GNB4: variants seen among roughly 807,000 people sequenced by gnomAD.
The protein encoded by GNB4 is G protein subunit beta 4.
A neutral mutation model predicts 45.2 loss-of-function variants in GNB4; 28 were observed. That is an observed-to-expected ratio of 0.62 (90% confidence interval 0.46 to 0.85). The LOEUF (loss-of-function observed/expected upper bound fraction) is 0.85. GNB4 is among the 40% of genes least tolerant of loss of function. The pLI is 0.00. For synonymous variants in GNB4, 132 were observed against 143.7 expected (o/e 0.92, Z 0.58); for missense variants, 321 against 425.4 (o/e 0.75, Z 2.16).
the GNB4 span, among the ~76,000 whole-genome samples, chr3:179,459,255 A>G: frequency 6.6e-6 from 1 of 151,816 alleles, no homozygotes; most frequent in Non-Finnish European, 1.5e-5. Flanking sequence ...ATGAAACTCC[A>G]GAAGCTTCAG....
At chr3:179,498,468 G>A in the GNB4 span, among the ~76,000 whole-genome samples, 1 of 152,220 alleles carries the variant, frequency 6.6e-6, no homozygotes, top group South Asian at 2.1e-4. Flanking sequence ...ACAGAGTCTT[G>A]CTTTGTTGCC....
At chr3:179,462,174 A>ATGTG in the GNB4 span, among the ~76,000 whole-genome samples, 16,853 of 150,416 alleles carry the variant, frequency 0.11, 994 homozygotes, top group Middle Eastern at 0.14. Flanking sequence ...GTGTGTGCAC[A>ATGTG]TGTGTGTGTG....
chr3:179,520,759 A>T, the GNB4 span, among the ~76,000 whole-genome samples: 1 of 151,846 alleles, frequency 6.6e-6, no homozygotes, highest in Non-Finnish European at 1.5e-5. Context: ...CCATGATTGT[A>T]CCTCTCTGAT....
At chr3:179,412,851 G>GAA (rs909414337) in intron 8 of GNB4, among the ~76,000 whole-genome samples, 5 of 125,344 alleles carry the variant, frequency 4.0e-5, no homozygotes, top group Non-Finnish European at 3.4e-5. Context: ...CTCCACTTTG[G>GAA]AAAAAAAAAA....
Position 179,425,829 on chromosome 3 carries a change from T to C in GNB4, c.57+315A>G, listed in dbSNP as rs963860544. On this transcript the variant is annotated intron_variant, in intron 2 of 9. Transcript: ENST00000232564. ...TTAATATTTCCCTAGTGTGACATTA[T>C]ATTGTGACACTATCTACATTATGGT... Among the ~76,000 whole-genome samples the C allele has an allele frequency of 8.5e-5, 13 of 152,230 alleles. 1 individual carries two copies. The highest frequency in any genetic ancestry group is 3.1e-4 in the African/African-American group (13 of 41,466).
At chr3:179,459,284 G>A in the GNB4 span, among the ~76,000 whole-genome samples, 1 of 152,106 alleles carries the variant, frequency 6.6e-6, no homozygotes, top group Non-Finnish European at 1.5e-5. Flanking sequence ...CAGCCCCTGC[G>A]ACTCTCCTAT....
At chr3:179,489,461 A>T in the GNB4 span, among the ~76,000 whole-genome samples, 1 of 151,936 alleles carries the variant, frequency 6.6e-6, no homozygotes, top group Admixed American at 6.6e-5. Flanking sequence ...ACAAAGCAAG[A>T]CCCCGTCTCT....
At chr3:179,514,937 A>G in the GNB4 span, among the ~76,000 whole-genome samples, 1 of 152,242 alleles carries the variant, frequency 6.6e-6, no homozygotes, top group Admixed American at 6.5e-5. Context: ...TAGAATGGCC[A>G]CATCTTAAAA....
the GNB4 span, among the ~76,000 whole-genome samples, chr3:179,460,674 T>TA: frequency 5.9e-5 from 9 of 151,902 alleles, no homozygotes; most frequent in South Asian, 2.1e-4. Flanking sequence ...ACCTTTTTTT[T>TA]AATTTTATTT....
intron 1 of GNB4, chr3:179,437,945 G>C (rs1715501702): frequency 6.6e-6 from 1 of 152,100 alleles, no homozygotes; most frequent in Non-Finnish European, 1.5e-5. Context: ...GGTGGCATTT[G>C]CCTGCAATCC....
intron 1 of GNB4, among the ~76,000 whole-genome samples, chr3:179,445,347 T>C (rs993367491): frequency 2.0e-5 from 3 of 152,152 alleles, no homozygotes; most frequent in African/African-American, 7.2e-5. Flanking sequence ...TGCAGTGGCA[T>C]GATCATAGTT....
chr3:179,477,335 C>T, the GNB4 span, among the ~76,000 whole-genome samples: 10 of 152,276 alleles, frequency 6.6e-5, no homozygotes, highest in African/African-American at 2.4e-4. Flanking sequence ...TTAAGGGTAG[C>T]CACACAGCTC....
upstream of GNB4, among the ~76,000 whole-genome samples, chr3:179,452,641 A>G (rs956599356): frequency 2.0e-5 from 3 of 152,090 alleles, no homozygotes; most frequent in Non-Finnish European, 2.9e-5. Flanking sequence ...GGAAAATGTG[A>G]CCGTTTTGTA....
At chr3:179,505,553 A>C in the GNB4 span, among the ~76,000 whole-genome samples, 2 of 152,226 alleles carry the variant, frequency 1.3e-5, no homozygotes, top group African/African-American at 4.8e-5. Flanking sequence ...AGCATACAAA[A>C]TATACATATC....
chr3:179,494,737 G>A, the GNB4 span, among the ~76,000 whole-genome samples: 13 of 151,596 alleles, frequency 8.6e-5, no homozygotes, highest in South Asian at 2.1e-4. Context: ...GTGAAACCCC[G>A]TCTCTACTAA....
Position 179,426,156 on chromosome 3 carries a change from C to G in GNB4, c.45G>C (p.Arg15=), listed in dbSNP as rs1038277192. 5.0e-6 allele frequency: 8 copies of G among 1,603,762 alleles called. No homozygotes were observed. The South Asian group carries it at 7.9e-5, about 16-fold the overall frequency. ...EQLRQEAEQL[R]NQIQDARKAC... ...GAAAAGGTTTTACCTGAATCTGATT[C>G]CGCAGTTGTTCTGCTTCTTGCCTCA... is the stretch of plus-strand genomic sequence containing the variant. Residue 15 remains arginine (R), a synonymous_variant, in exon 2 of 10, where the codon CGG becomes CGC. Transcript: ENST00000232564.
intron 2 of GNB4, among the ~76,000 whole-genome samples, chr3:179,422,486 C>CA (rs11400633): frequency 0.27 from 39,712 of 148,320 alleles, 5,503 homozygotes; most frequent in African/African-American, 0.33. Context: ...CAAAACAAAA[C>CA]AAAAAAAAGA....
chr3:179,527,786 A>ATGTGTGTGTGTGTGTGTG, the GNB4 span, among the ~76,000 whole-genome samples: 4 of 124,936 alleles, frequency 3.2e-5, no homozygotes, highest in South Asian at 3.2e-4. Flanking sequence ...GCGTGTGTGT[A>ATGTGTGTGTGTGTGTGTG]TGTATGTGTG....
At chr3:179,442,360 A>C (rs1270738705) in intron 1 of GNB4, among the ~76,000 whole-genome samples, 1 of 152,184 alleles carries the variant, frequency 6.6e-6, no homozygotes, top group Non-Finnish European at 1.5e-5. Flanking sequence ...AAGTTCTGTC[A>C]ATTTACGTCA....
Sources: gnomAD v4.1 joint callset for allele counts (sites outside exome capture counted in the v4.1 genomes callset) on GRCh38, gnomAD v4.1.1 for gene constraint, MANE v1.5 for transcripts, NCBI Gene and HGNC (gene_info 2026-07-23, HGNC 2026-07-21) for gene names.